Variants in TRABD2B observed in about 807,000 individuals in gnomAD.
The protein encoded by TRABD2B is metalloprotease TIKI2.
Under a neutral mutation model 40.1 loss-of-function variants are expected in TRABD2B, and 14 were observed. That is an observed-to-expected ratio of 0.35 (90% CI 0.23 to 0.55). The LOEUF is 0.55. TRABD2B is among the 20% of genes least tolerant of loss of function. The pLI is 0.90. For synonymous variants in TRABD2B, 263 were observed against 277.0 expected (o/e 0.95, Z 0.50); for missense variants, 541 against 648.6 (o/e 0.83, Z 1.80).
chr1:47,996,738 G>C lies in TRABD2B; in HGVS notation c.52C>G (p.Arg18Gly). The C allele has an allele frequency of 1.6e-6, 2 of 1,225,794 alleles. No homozygotes were observed. Among genetic ancestry groups the C allele is most frequent in the Non-Finnish European group, 2.0e-6 (2 of 983,376 alleles). The allele number at this position is 1,225,794 out of a possible 1,614,324, so 75.9% of individuals were successfully genotyped here. A position where few individuals can be genotyped will look rare whatever the true frequency, so the allele number is the denominator to read the frequency against. The change falls in exon 1 of 7, where the codon CGC (arginine) becomes GGC (glycine). Residue 18 changes from arginine (R) to glycine (G), a missense_variant. By Grantham distance (125) the Arg-to-Gly change is moderately radical. Transcript: ENST00000606738. The surrounding 1 kb of genome is among the most constrained non-coding windows in gnomAD (Gnocchi z 4.6). ...PLLAALLATA[R>G]ARPQPPDGGQ... ...CCGTCCGGGGGCTGCGGGCGGGCGC[G>C]AGCGGTGGCGAGGAGGGCGGCGAGC...
chr1:47,793,524 C>T (rs1378491633), intron 4 of TRABD2B, among the ~76,000 whole-genome samples: 2 of 152,220 alleles, frequency 1.3e-5, no homozygotes, highest in Non-Finnish European at 2.9e-5. Context: ...TGACTGCTCG[C>T]CCTGGAGGGC....
intron 4 of TRABD2B, among the ~76,000 whole-genome samples, chr1:47,789,265 G>T (rs1461215643): frequency 6.6e-6 from 1 of 152,130 alleles, no homozygotes; most frequent in Non-Finnish European, 1.5e-5. Context: ...CAGCTGCTTG[G>T]TGTTGCTGGA....
intron 2 of TRABD2B, among the ~76,000 whole-genome samples, chr1:47,986,004 A>G (rs1393617603): frequency 6.6e-6 from 1 of 152,234 alleles, no homozygotes; most frequent in Non-Finnish European, 1.5e-5. Flanking sequence ...GAGATATCAT[A>G]CAGCTCAGCA....
chr1:47,834,717 G>A (rs754481660), intron 2 of TRABD2B, among the ~76,000 whole-genome samples: 9 of 152,166 alleles, frequency 5.9e-5, no homozygotes, highest in Non-Finnish European at 1.2e-4. Flanking sequence ...TGGCTTTACA[G>A]ACTTTACAGA....
At position 47,996,328 on chromosome 1, in the gene TRABD2B, A is replaced by T. The variant is rs1646091103; in HGVS notation, c.102+360T>A. ...AAGAGAAGGGCAAGGAACGGTAGAA[A>T]AACACAGTCAGAAGCGGGCAGAGAG... On this transcript the variant is annotated intron_variant, in intron 1 of 6. Coordinates refer to ENST00000606738, the MANE Select transcript of TRABD2B (RefSeq NM_001194986.2). This position sits in a 1 kb window ranked among gnomAD's most constrained non-coding sequence, Gnocchi z 4.6. 6.6e-6 allele frequency among the ~76,000 whole-genome samples: 1 copy of T among 152,142 alleles called. No homozygotes were observed.
chr1:47,889,413 C>T (rs1029746318), intron 2 of TRABD2B, among the ~76,000 whole-genome samples: 1 of 152,198 alleles, frequency 6.6e-6, no homozygotes, highest in Admixed American at 6.5e-5. Context: ...TGTGCAATTG[C>T]CAAGCACGGT....
intron 4 of TRABD2B, among the ~76,000 whole-genome samples, chr1:47,782,848 G>A (rs1332519393): frequency 3.9e-5 from 6 of 152,214 alleles, no homozygotes; most frequent in Non-Finnish European, 7.3e-5. Flanking sequence ...CTCCAAAGGG[G>A]CCCCACGATG....
chr1:47,880,824 G>C (rs1223888649), intron 2 of TRABD2B, among the ~76,000 whole-genome samples: 1 of 152,212 alleles, frequency 6.6e-6, no homozygotes, highest in Non-Finnish European at 1.5e-5. Context: ...AACTTTCTCA[G>C]TAATAAAGGT....
chr1:47,904,154 G>T (rs1644643377), intron 2 of TRABD2B, among the ~76,000 whole-genome samples: 1 of 152,214 alleles, frequency 6.6e-6, no homozygotes, highest in Non-Finnish European at 1.5e-5. Context: ...GATGATGTTT[G>T]CAGAGGGAAA....
In TRABD2B at chr1:47,988,222, G is replaced by A. The variant is rs988798445; in HGVS notation, c.666+5812C>T. On this transcript the variant is annotated intron_variant, in intron 2 of 6. Transcript: ENST00000606738. The stretch of plus-strand genomic sequence containing the variant: ...AGCATACAACCAAAAGGGGAAGAAA[G>A]AACAGGGTCTCTATCTGAAGTGTGG... Among the ~76,000 whole-genome samples, 3 of 152,246 alleles carry A rather than the reference G, an allele frequency of 2.0e-5. No individual in the cohort carries two copies. The South Asian group carries it at 6.2e-4, about 32-fold the overall frequency.
chr1:47,809,531 G>A (rs770124050), intron 2 of TRABD2B, among the ~76,000 whole-genome samples: 1 of 152,196 alleles, frequency 6.6e-6, no homozygotes, highest in Non-Finnish European at 1.5e-5. Context: ...ACTGGGTAGG[G>A]GTGGAGGACA....
intron 2 of TRABD2B, among the ~76,000 whole-genome samples, chr1:47,840,104 C>T (rs888786702): frequency 3.3e-5 from 5 of 152,166 alleles, no homozygotes; most frequent in South Asian, 2.1e-4. Context: ...AGTGAACAAT[C>T]GGAGGATCTT....
intron 2 of TRABD2B, among the ~76,000 whole-genome samples, chr1:47,820,779 A>AC (rs1645096108): frequency 2.4e-5 from 2 of 83,550 alleles, no homozygotes; most frequent in East Asian, 7.0e-4. Flanking sequence ...AAGTTCACAC[A>AC]CACCACACAC....
At chr1:47,973,520 C>T (rs1051610203) in intron 2 of TRABD2B, among the ~76,000 whole-genome samples, 8 of 152,196 alleles carry the variant, frequency 5.3e-5, no homozygotes, top group African/African-American at 1.9e-4. Flanking sequence ...TGTGTATACT[C>T]GTACTTGCTC....
intron 2 of TRABD2B, among the ~76,000 whole-genome samples, chr1:47,829,369 G>A (rs1428820605): frequency 6.6e-6 from 1 of 152,112 alleles, no homozygotes; most frequent in Non-Finnish European, 1.5e-5. Context: ...CAAGTGTTTA[G>A]AAGCTGCAGC....
chr1:47,838,250 A>T (rs984816982), intron 2 of TRABD2B, among the ~76,000 whole-genome samples: 1 of 152,198 alleles, frequency 6.6e-6, no homozygotes, highest in Non-Finnish European at 1.5e-5. Flanking sequence ...GAAGTCATTC[A>T]TCCAGGGACC....
At chr1:47,933,432 TGCACTTTGTGCTTTG>T (rs1416558803) in intron 2 of TRABD2B, among the ~76,000 whole-genome samples, 1 of 152,184 alleles carries the variant, frequency 6.6e-6, no homozygotes, top group Admixed American at 6.5e-5. Flanking sequence ...TTCTTTACCT[TGCACTTTGTGCTTTG>T]GCAGCAATGA....
At chr1:47,918,198 G>A (rs1644854810) in intron 2 of TRABD2B, among the ~76,000 whole-genome samples, 1 of 152,160 alleles carries the variant, frequency 6.6e-6, no homozygotes, top group South Asian at 2.1e-4. Flanking sequence ...GGAAGGCAAG[G>A]GTTCACCTGT....
chr1:47,956,437 G>C lies in TRABD2B; in HGVS notation c.666+37597C>G, dbSNP rs146979030. ...CCTCACCTGGGAAACTCAAGGGGTC[G>C]GGGAATTCCCTTTCCTAGCCAAGGG... On this transcript the variant is annotated intron_variant, in intron 2 of 6. Transcript: ENST00000606738. 5.6e-4 allele frequency among the ~76,000 whole-genome samples: 85 copies of C among 152,304 alleles called. 1 individual carries two copies. In the Middle Eastern group the frequency reaches 0.014, roughly 25 times the overall value.
Sources: gnomAD v4.1 joint callset for allele counts (sites outside exome capture counted in the v4.1 genomes callset) on GRCh38, gnomAD v4.1.1 for gene constraint, Gnocchi (gnomAD v3.1) non-coding constraint, MANE v1.5 for transcripts, NCBI Gene and HGNC (gene_info 2026-07-23, HGNC 2026-07-21) for gene names.